FANK1: variants seen among roughly 807,000 people sequenced by gnomAD.
FANK1 encodes the protein fibronectin type III and ankyrin repeat domains 1, also known as fibronectin type 3 and ankyrin repeat domains protein 1.
A neutral mutation model predicts 45.3 loss-of-function variants in FANK1; 44 were observed. The observed-to-expected ratio is 0.97, with a 90% CI of 0.76 to 1.25. FANK1 has a LOEUF of 1.25. Among genes scored for constraint, FANK1 ranks in the 50% most tolerant of loss-of-function variants. The probability of loss-of-function intolerance (pLI) is 0.00; values close to 1 mark genes in which losing one functional copy is unlikely to be tolerated. For missense variants in FANK1, 391 were observed against 424.4 expected (o/e 0.92, Z 0.69); for synonymous variants, 149 against 152.5 (o/e 0.98, Z 0.17).
intron 6 of FANK1, among the ~76,000 whole-genome samples, chr10:126,000,804 A>G (rs1952702111): frequency 6.6e-6 from 1 of 152,214 alleles, no homozygotes; most frequent in African/African-American, 2.4e-5. Flanking sequence ...TCTTTAATGT[A>G]CAGAACACAC....
intron 1 of FANK1, among the ~76,000 whole-genome samples, chr10:125,903,716 A>C (rs1276994675): frequency 1.3e-5 from 2 of 151,998 alleles, no homozygotes; most frequent in African/African-American, 4.8e-5. Flanking sequence ...TATTCAGGCT[A>C]GTGCACGTAC....
rs998668548 is a variant in FANK1, at chr10:125,964,807, C to T, written c.14-15354C>T. ...AACTTAGCCTTGCCAACTTGTTTTC[C>T]AAAGAGATTTCCCAATTTATACTCT... is the stretch of plus-strand genomic sequence containing the variant. On this transcript the variant is annotated intron_variant, in intron 1 of 10. Transcript: ENST00000368693. Among the ~76,000 whole-genome samples the T allele has an allele frequency of 2.6e-5, 4 of 152,132 alleles. No individual in the cohort carries two copies. In the South Asian group the frequency reaches 8.3e-4, roughly 32 times the overall value.
intron 3 of FANK1, among the ~76,000 whole-genome samples, chr10:125,993,566 T>C (rs1952089468): frequency 6.6e-6 from 1 of 152,142 alleles, no homozygotes; most frequent in South Asian, 2.1e-4. Flanking sequence ...ATCCCCTTCG[T>C]TGTGGCAATC....
At chr10:125,962,609 A>G (rs1037848793) in intron 1 of FANK1, among the ~76,000 whole-genome samples, 6 of 151,880 alleles carry the variant, frequency 4.0e-5, no homozygotes, top group Admixed American at 1.3e-4. Flanking sequence ...TGTTAATTCC[A>G]TTTTTCAATT....
intron 1 of FANK1, among the ~76,000 whole-genome samples, chr10:125,956,467 C>G (rs924548626): frequency 6.6e-6 from 1 of 152,100 alleles, no homozygotes; most frequent in South Asian, 2.1e-4. Flanking sequence ...TATGTATGAG[C>G]ATGAATAATT....
intron 2 of FANK1, among the ~76,000 whole-genome samples, chr10:125,981,515 A>AAAAAAT (rs397791576): frequency 1.4e-5 from 2 of 146,738 alleles, no homozygotes; most frequent in African/African-American, 5.0e-5. Context: ...AAAAAAAAAA[A>AAAAAAT]GTTATGTTTT....
chr10:125,984,097 C>T (rs963346885), intron 2 of FANK1, among the ~76,000 whole-genome samples: 7 of 152,138 alleles, frequency 4.6e-5, no homozygotes, highest in East Asian at 1.9e-4. Flanking sequence ...TATGTGGTAG[C>T]CAGCACAGGC....
chr10:125,946,298 T>C (rs1176621394), intron 1 of FANK1, among the ~76,000 whole-genome samples: 1 of 149,736 alleles, frequency 6.7e-6, no homozygotes, highest in Non-Finnish European at 1.5e-5. Context: ...CTTCAGACGA[T>C]CAAATTACTC....
At chr10:125,927,358 C>T (rs74162889) in intron 1 of FANK1, among the ~76,000 whole-genome samples, 6 of 151,964 alleles carry the variant, frequency 3.9e-5, no homozygotes, top group Non-Finnish European at 5.9e-5. Flanking sequence ...TTTATAAATG[C>T]GATCTTTTCT....
intron 1 of FANK1, among the ~76,000 whole-genome samples, chr10:125,924,813 A>AT: frequency 2.1e-5 from 3 of 144,436 alleles, no homozygotes; most frequent in Non-Finnish European, 3.0e-5. Flanking sequence ...TCTCAAAAAA[A>AT]AAAAAAAAAA....
At chr10:125,958,526 C>T (rs1168737295) in intron 1 of FANK1, among the ~76,000 whole-genome samples, 1 of 152,194 alleles carries the variant, frequency 6.6e-6, no homozygotes, top group Non-Finnish European at 1.5e-5. Flanking sequence ...GCATGAGCCA[C>T]CATGCCAAGC....
At chr10:125,952,445 A>G (rs1197810447) in intron 1 of FANK1, among the ~76,000 whole-genome samples, 2 of 152,178 alleles carry the variant, frequency 1.3e-5, no homozygotes, top group African/African-American at 2.4e-5. Flanking sequence ...TATAGTGTGC[A>G]GATTTCATCT....
rs10901494 is a variant in FANK1, at chr10:125,982,502, G to T, written c.191+2164G>T. On this transcript the variant is annotated intron_variant, in intron 2 of 10. Coordinates refer to ENST00000368693, the MANE Select transcript of FANK1 (RefSeq NM_145235.5). The stretch of plus-strand genomic sequence containing the variant: ...CAGAATTACAAGTACAAATCTTGAC[G>T]CTAGGTGGCAGAATTAGGCTGCATT... Among the ~76,000 whole-genome samples, 4 of 152,162 alleles carry T rather than the reference G, an allele frequency of 2.6e-5. No homozygotes were observed. The East Asian group carries it at 7.7e-4, about 29-fold the overall frequency.
intron 1 of FANK1, among the ~76,000 whole-genome samples, chr10:125,904,601 C>T (rs1945326628): frequency 6.6e-6 from 1 of 151,872 alleles, no homozygotes; most frequent in Non-Finnish European, 1.5e-5. Context: ...AAAGGGAACT[C>T]CTGAGCTCAA....
chr10:125,905,417 C>T (rs371753604), intron 1 of FANK1, among the ~76,000 whole-genome samples: 448 of 133,696 alleles, frequency 3.4e-3, no homozygotes, highest in South Asian at 0.012. Context: ...TTTTAAATTA[C>T]AGATTCTACC....
chr10:125,941,265 G>A (rs1478383372), intron 1 of FANK1, among the ~76,000 whole-genome samples: 1 of 152,060 alleles, frequency 6.6e-6, no homozygotes, highest in Non-Finnish European at 1.5e-5. Context: ...GAAAAAACAA[G>A]CAACATATGG....
At chr10:125,907,638 G>A (rs564190357) in intron 1 of FANK1, 1 of 482,928 alleles carries the variant, frequency 2.1e-6, no homozygotes, top group Admixed American at 6.4e-5. Flanking sequence ...AGAGGGAAGA[G>A]GAGAGGAGGA....
chr10:125,971,599 C>T (rs1327674302), intron 1 of FANK1, among the ~76,000 whole-genome samples: 3 of 151,974 alleles, frequency 2.0e-5, no homozygotes, highest in African/African-American at 2.4e-5. Context: ...ATCTGGAGAA[C>T]GAACTAATAG....
intron 1 of FANK1, among the ~76,000 whole-genome samples, chr10:125,908,861 A>G (rs1945757984): frequency 6.6e-6 from 1 of 152,304 alleles, no homozygotes; most frequent in South Asian, 2.1e-4. Flanking sequence ...ACTAGACAAT[A>G]TATGTATATT....
Sources: gnomAD v4.1 joint callset for allele counts (sites outside exome capture counted in the v4.1 genomes callset) on GRCh38, gnomAD v4.1.1 for gene constraint, MANE v1.5 for transcripts, NCBI Gene and HGNC (gene_info 2026-07-23, HGNC 2026-07-21) for gene names.